RRH: variants seen among roughly 807,000 people sequenced by gnomAD.
RRH encodes the protein visual pigment-like receptor peropsin.
Under a neutral mutation model 33.1 loss-of-function variants are expected in RRH, and 36 were observed. The ratio of observed to expected loss-of-function variants is 1.09; its 90% CI spans 0.83 to 1.44. The LOEUF (loss-of-function observed/expected upper bound fraction) is 1.44, where lower values mean the gene tolerates loss of function less well. Ranked by LOEUF, RRH falls within the 40% of genes most tolerant of loss-of-function variation. The pLI is 0.00. For missense variants in RRH, 393 were observed against 420.2 expected (o/e 0.94, Z 0.57); for synonymous variants, 124 against 140.2 (o/e 0.88, Z 0.82).
intron 6 of RRH, among the ~76,000 whole-genome samples, chr4:109,843,732 C>T (rs529784082): frequency 6.6e-6 from 1 of 152,188 alleles, no homozygotes; most frequent in East Asian, 1.9e-4. Context: ...ACTCATGGCA[C>T]TTGACATTAG....
intron 5 of RRH, among the ~76,000 whole-genome samples, chr4:109,840,744 T>G (rs183327900): frequency 6.6e-6 from 1 of 152,024 alleles, no homozygotes; most frequent in East Asian, 1.9e-4. Flanking sequence ...TTGCACTGTT[T>G]TTTTTTTTTT....
intron 1 of RRH, among the ~76,000 whole-genome samples, chr4:109,830,749 A>T (rs1733731399): frequency 6.6e-6 from 1 of 152,138 alleles, no homozygotes; most frequent in Non-Finnish European, 1.5e-5. Flanking sequence ...GTATGTGTTA[A>T]ATGTGAAAAG....
At chr4:109,832,754 G>A (rs1307931413) in intron 1 of RRH, among the ~76,000 whole-genome samples, 3 of 152,006 alleles carry the variant, frequency 2.0e-5, no homozygotes, top group Admixed American at 6.6e-5. Context: ...AGAGCCCCAG[G>A]CCCCAGGAAG....
At chr4:109,834,898 G>A (rs993425810) in intron 2 of RRH, among the ~76,000 whole-genome samples, 1 of 152,132 alleles carries the variant, frequency 6.6e-6, no homozygotes, top group Non-Finnish European at 1.5e-5. Context: ...ATTTTCTTGA[G>A]TGTGAAATGC....
At chr4:109,842,699 A>C in intron 6 of RRH, 52 bp downstream of exon 6, 1 of 1,498,446 alleles carries the variant, frequency 6.7e-7, no homozygotes, top group Non-Finnish European at 9.3e-7. Context: ...ATATAAAAAG[A>C]ATGTTAAGAC....
At chr4:109,841,742 A>AT (rs575346654) in intron 5 of RRH, among the ~76,000 whole-genome samples, 104 of 152,148 alleles carry the variant, frequency 6.8e-4, no homozygotes, top group East Asian at 4.6e-3. Flanking sequence ...TCCAATGGCC[A>AT]TTTTTTCCAT....
chr4:109,835,333 G>T (rs1422397161), intron 2 of RRH, 33 bp from the exon 3 acceptor site: 15 of 1,426,122 alleles, frequency 1.1e-5, no homozygotes, highest in South Asian at 2.3e-5. Flanking sequence ...AGGGTGTTTA[G>T]AATGGTAGAG....
At chr4:109,835,294 C>T in intron 2 of RRH, 72 bp from the exon 3 acceptor site, 1 of 1,007,514 alleles carries the variant, frequency 9.9e-7, no homozygotes, top group Non-Finnish European at 1.6e-6. Context: ...TATATTCTAA[C>T]AATGGACAAA....
rs199836106 is a variant in RRH at position 109,828,153 on chromosome 4, T to A, written c.106+20T>A. ...TGGCAGGTATGGATATTTAAGTAAG[T>A]TATTTTTCTTTAGAATGGGTGAAGA... On this transcript the variant is annotated intron_variant, in intron 1 of 6. Transcript: ENST00000317735. 159 of 1,507,630 alleles carry A rather than the reference T, an allele frequency of 1.1e-4. 2 individuals carry two copies. In the East Asian group the frequency reaches 2.7e-3, roughly 25 times the overall value. The allele number at this position is 1,507,630 out of a possible 1,614,324, so 93.4% of individuals were successfully genotyped here.
rs1175007860 is a variant in RRH at position 109,836,004 on chromosome 4, T to C, written c.398-3T>C. On this transcript the variant is annotated splice_region_variant and splice_polypyrimidine_tract_variant and intron_variant, in intron 3 of 6. Transcript: ENST00000317735. ...TGCTAATATTTCCTGTGCTTGATAA[T>C]AGGGAGAAGAATGACCACCAACACT... The C allele has an allele frequency of 8.7e-6, 14 of 1,614,040 alleles. No individual in the cohort carries two copies. Among genetic ancestry groups the C allele is most frequent in the Non-Finnish European group, 1.2e-5 (14 of 1,180,012 alleles).
intron 1 of RRH, among the ~76,000 whole-genome samples, chr4:109,829,364 A>G (rs939272512): frequency 2.0e-5 from 3 of 151,782 alleles, no homozygotes; most frequent in Admixed American, 6.6e-5. Flanking sequence ...TAACAATTAC[A>G]TGGAAATACT....
At position 109,828,021 on chromosome 4, in the gene RRH, C is replaced by T. The variant is rs1203615232; in HGVS notation, c.-7C>T. 2.5e-6 allele frequency: 4 copies of T among 1,583,742 alleles called. No homozygotes were observed. In the African/African-American group the frequency reaches 4.0e-5, roughly 16 times the overall value. ...TATGAAGGGTGTTTCGGTATCTTCCCTCCAAAATGCTAAGAAATAATTTAG... is the reference window on the plus strand; with the variant it reads ...TATGAAGGGTGTTTCGGTATCTTCCTTCCAAAATGCTAAGAAATAATTTAG... On this transcript the variant is annotated 5_prime_UTR_variant, in exon 1 of 7. Transcript: ENST00000317735.
chr4:109,842,133 G>A (rs973462402), intron 5 of RRH, among the ~76,000 whole-genome samples: 15 of 152,112 alleles, frequency 9.9e-5, no homozygotes, highest in African/African-American at 3.6e-4. Flanking sequence ...GTGGGGTGGG[G>A]TGGGTTTTTA....
intron 5 of RRH, among the ~76,000 whole-genome samples, chr4:109,840,054 C>T (rs1733957704): frequency 1.3e-5 from 2 of 152,316 alleles, no homozygotes; most frequent in South Asian, 4.1e-4. Flanking sequence ...ACACAATCTT[C>T]CACAATGGTT....
chr4:109,838,679 G>A (rs1346938556), intron 5 of RRH, among the ~76,000 whole-genome samples: 1 of 152,190 alleles, frequency 6.6e-6, no homozygotes, highest in Non-Finnish European at 1.5e-5. Flanking sequence ...AGGTGCAAAA[G>A]TAATATTCAA....
At position 109,842,568 on chromosome 4, in the gene RRH, C is replaced by G; in HGVS notation, c.820C>G (p.Pro274Ala). ...TGGTGACCCAAAGAAGATTCCTCCC[C>G]CCATGGCCATCATAGCTCCACTGTT... ...SFGDPKKIPP[P>A]MAIIAPLFAK... The change falls in exon 6 of 7, where the codon CCC becomes GCC. Residue 274 changes from proline (P) to alanine (A), a missense_variant. Pro to Ala is a conservative substitution (Grantham distance 27). Transcript: ENST00000317735. 6.2e-7 allele frequency: 1 copy of G among 1,614,010 alleles called. No individual in the cohort carries two copies. The highest frequency in any genetic ancestry group is 8.5e-7 in the Non-Finnish European group (1 of 1,179,908).
chr4:109,838,642 C>T, intron 5 of RRH, among the ~76,000 whole-genome samples: 1 of 152,168 alleles, frequency 6.6e-6, no homozygotes, highest in East Asian at 1.9e-4. Context: ...TCATGTTTGA[C>T]TGATTGTTTG....
chr4:109,829,642 G>A (rs1190794684), intron 1 of RRH, among the ~76,000 whole-genome samples: 1 of 152,078 alleles, frequency 6.6e-6, no homozygotes, highest in Non-Finnish European at 1.5e-5. Context: ...CACTAATTTA[G>A]TAAGTTACTC....
At chr4:109,842,352 C>A in intron 5 of RRH, 117 bp from the exon 6 acceptor site, 1 of 946,036 alleles carries the variant, frequency 1.1e-6, no homozygotes. Context: ...TCCTTTATGT[C>A]ATCAAAAACA....
Sources: allele counts gnomAD v4.1 joint callset (sites outside exome capture counted in the v4.1 genomes callset), GRCh38; gene constraint gnomAD v4.1.1; transcripts MANE v1.5; gene names NCBI Gene and HGNC (gene_info 2026-07-23, HGNC 2026-07-21).